STPG2: variants seen among roughly 807,000 people sequenced by gnomAD.
STPG2 encodes the protein sperm-tail PG-rich repeat-containing protein 2.
STPG2 carries 56 observed loss-of-function variants against 54.2 expected under a neutral mutation model. The ratio of observed to expected loss-of-function variants is 1.03; its 90% CI spans 0.83 to 1.29. The LOEUF (loss-of-function observed/expected upper bound fraction) is 1.29, where lower values mean the gene tolerates loss of function less well. Among genes scored for constraint, STPG2 ranks in the 50% most tolerant of loss-of-function variants. STPG2 has a pLI of 0.00. For missense variants in STPG2, 596 were observed against 544.9 expected, an observed-to-expected ratio of 1.09 and a Z score of -0.93; for synonymous variants, 200 against 181.8, an observed-to-expected ratio of 1.10 and a Z score of -0.81.
downstream of STPG2, among the ~76,000 whole-genome samples, chr4:97,554,229 C>A (rs949604165): frequency 6.6e-6 from 1 of 152,108 alleles, no homozygotes; most frequent in Non-Finnish European, 1.5e-5. Context: ...TCACTCTATG[C>A]TGAGCAGTGA....
At chr4:97,506,282 G>T (rs1055750940) in intron 4 of STPG2, among the ~76,000 whole-genome samples, 7 of 151,890 alleles carry the variant, frequency 4.6e-5, no homozygotes, top group African/African-American at 1.7e-4. Flanking sequence ...TGAACAAAAA[G>T]TTAATAGGCT....
At chr4:97,798,044 C>T (rs181057987) in intron 9 of STPG2, among the ~76,000 whole-genome samples, 84 of 152,250 alleles carry the variant, frequency 5.5e-4, no homozygotes, top group African/African-American at 1.9e-3. Context: ...TCCTCTTTAT[C>T]GTTTTTTATT....
At chr4:97,717,085 T>C (rs759128436) in intron 9 of STPG2, among the ~76,000 whole-genome samples, 1 of 152,012 alleles carries the variant, frequency 6.6e-6, no homozygotes, top group Non-Finnish European at 1.5e-5. Flanking sequence ...ACATTTAGGT[T>C]TAATGCTCTT....
At chr4:97,453,674 A>C (rs1729436776) in intron 4 of STPG2, among the ~76,000 whole-genome samples, 2 of 152,188 alleles carry the variant, frequency 1.3e-5, no homozygotes, top group Non-Finnish European at 2.9e-5. Flanking sequence ...TTCCAAGAAA[A>C]AATATTGACT....
intron 7 of STPG2, among the ~76,000 whole-genome samples, chr4:97,953,884 A>T (rs1223637590): frequency 6.6e-6 from 1 of 152,208 alleles, no homozygotes; most frequent in Non-Finnish European, 1.5e-5. Context: ...CTCAGAAAAA[A>T]AGTTCACAGT....
intron 5 of STPG2, among the ~76,000 whole-genome samples, chr4:98,055,586 G>C (rs1229470086): frequency 6.6e-6 from 1 of 152,196 alleles, no homozygotes; most frequent in Non-Finnish European, 1.5e-5. Context: ...ATGGACACTT[G>C]AGGTGGCAGA....
chr4:97,881,723 C>A (rs536033400), intron 8 of STPG2, among the ~76,000 whole-genome samples: 56 of 152,238 alleles, frequency 3.7e-4, no homozygotes, highest in Non-Finnish European at 6.6e-4. Context: ...CATAAAAACT[C>A]CTCAGACTTT....
chr4:97,924,185 C>T (rs932312663), intron 8 of STPG2, among the ~76,000 whole-genome samples: 1 of 152,180 alleles, frequency 6.6e-6, no homozygotes, highest in Non-Finnish European at 1.5e-5. Context: ...CACATCCGAA[C>T]ATCAGAAGGA....
chr4:97,764,287 C>A (rs1019332284), intron 9 of STPG2, among the ~76,000 whole-genome samples: 2 of 152,060 alleles, frequency 1.3e-5, no homozygotes, highest in African/African-American at 4.8e-5. Flanking sequence ...TATACACTCT[C>A]ACAGCACACC....
At chr4:97,800,638 C>G (rs1448712036) in intron 9 of STPG2, among the ~76,000 whole-genome samples, 1 of 152,180 alleles carries the variant, frequency 6.6e-6, no homozygotes, top group East Asian at 1.9e-4. Context: ...CAGGGACCCA[C>G]TTGAGGAGGC....
At chr4:98,051,728 T>C (rs1025497332) in intron 5 of STPG2, among the ~76,000 whole-genome samples, 3 of 151,902 alleles carry the variant, frequency 2.0e-5, no homozygotes, top group African/African-American at 7.3e-5. Context: ...TTTTGGAGGT[T>C]CTGCATATTG....
intron 10 of STPG2, among the ~76,000 whole-genome samples, chr4:97,709,630 T>C (rs140110501): frequency 8.6e-5 from 13 of 151,962 alleles, no homozygotes; most frequent in African/African-American, 3.1e-4. Context: ...TTTAGCTTTT[T>C]AAAATATTCT....
At chr4:98,102,849 A>G (rs1218603907) in intron 5 of STPG2, among the ~76,000 whole-genome samples, 2 of 148,712 alleles carry the variant, frequency 1.3e-5, no homozygotes, top group Non-Finnish European at 3.0e-5. Context: ...ACAATACAAC[A>G]TAATGTATAT....
At chr4:97,690,776 T>C (rs1357057161) in intron 10 of STPG2, among the ~76,000 whole-genome samples, 1 of 152,086 alleles carries the variant, frequency 6.6e-6, no homozygotes, top group African/African-American at 2.4e-5. Flanking sequence ...GAAAGCTGCA[T>C]TAAAAAAAGA....
At chr4:97,899,148 A>G (rs1240157605) in intron 8 of STPG2, among the ~76,000 whole-genome samples, 2 of 151,980 alleles carry the variant, frequency 1.3e-5, no homozygotes, top group African/African-American at 2.4e-5. Context: ...ATCAATATAC[A>G]AAACTCACTA....
chr4:97,609,326 C>T (rs1733677524), intron 10 of STPG2, among the ~76,000 whole-genome samples: 2 of 151,920 alleles, frequency 1.3e-5, no homozygotes, highest in African/African-American at 4.8e-5. Context: ...ATAGAAAGTT[C>T]CCAGTGTGGT....
intron 4 of STPG2, among the ~76,000 whole-genome samples, chr4:97,482,073 T>C (rs1484314333): frequency 6.6e-6 from 1 of 151,636 alleles, no homozygotes; most frequent in Non-Finnish European, 1.5e-5. Context: ...TTGGTCTTTT[T>C]GGTATCTTTT....
chr4:97,921,657 A>G (rs1732113795), intron 8 of STPG2, among the ~76,000 whole-genome samples: 1 of 152,136 alleles, frequency 6.6e-6, no homozygotes, highest in African/African-American at 2.4e-5. Flanking sequence ...AACTGAATCA[A>G]TATATGCATT....
intron 5 of STPG2, among the ~76,000 whole-genome samples, chr4:98,079,417 G>A (rs761053116): frequency 2.0e-5 from 3 of 152,174 alleles, no homozygotes; most frequent in Admixed American, 6.5e-5. Flanking sequence ...GCTGGCTGCA[G>A]GGTGTTAATG....
Sources: allele counts gnomAD v4.1 joint callset (sites outside exome capture counted in the v4.1 genomes callset), GRCh38; gene constraint gnomAD v4.1.1; transcripts MANE v1.5; gene names NCBI Gene and HGNC (gene_info 2026-07-23, HGNC 2026-07-21).